The following ANO3 variants were observed in gnomAD, a reference collection of about 807,000 sequenced individuals.
ANO3 encodes anoctamin 3.
ANO3 carries 99 observed loss-of-function variants against 144.8 expected under a neutral mutation model. The observed-to-expected ratio is 0.68, with a 90% confidence interval of 0.58 to 0.81. The LOEUF (loss-of-function observed/expected upper bound fraction) is 0.81, where lower values mean the gene tolerates loss of function less well. ANO3 is among the 30% of genes least tolerant of loss of function. The pLI is 0.00. For missense variants in ANO3, 905 were observed against 1,202.2 expected (o/e 0.75, Z 3.66); for synonymous variants, 414 against 392.6 (o/e 1.05, Z -0.64).
intron 3 of ANO3, among the ~76,000 whole-genome samples, chr11:26,459,480 T>G (rs1338922502): frequency 6.6e-6 from 1 of 151,944 alleles, no homozygotes; most frequent in Non-Finnish European, 1.5e-5. Flanking sequence ...GGCATTTAAA[T>G]CCAGTTAGTC....
rs573084384 is a variant in ANO3, at chr11:26,297,595, TAA to T, written c.155-12047_155-12046del. ...AATTCATTTTGTTCTCCCTTCAAAATAAAAGACTGGTCATTTTCCCCAAAATG... is the reference window on the plus strand; with the variant it reads ...AATTCATTTTGTTCTCCCTTCAAAATAAGACTGGTCATTTTCCCCAAAATG... On this transcript the variant is annotated intron_variant, in intron 1 of 27. Coordinates refer to the ANO3 transcript ENST00000672621. Among the ~76,000 whole-genome samples the T allele has an allele frequency of 4.0e-3, 604 of 152,288 alleles. 2 individuals carry two copies. Among genetic ancestry groups the T allele is most frequent in the African/African-American group, 0.013 (560 of 41,554 alleles).
rs1208603884 is a variant in ANO3, at chr11:26,660,461, A to G, written c.*17A>G. 6.9e-6 allele frequency: 11 copies of G among 1,585,040 alleles called. No homozygotes were observed. The Admixed American group carries it at 2.0e-4, about 29-fold the overall frequency. On this transcript the variant is annotated 3_prime_UTR_variant, in exon 27 of 27. Transcript: ENST00000256737. ...TGGCCTTAGTTGACACCTGTTACCC[A>G]TTAGGGGTGATAACATTAATGGGAA... is the stretch of plus-strand genomic sequence containing the variant.
chr11:26,561,237 A>G (rs1455631175), intron 14 of ANO3: 14 of 1,590,898 alleles, frequency 8.8e-6, no homozygotes, highest in South Asian at 1.1e-5. Flanking sequence ...TAAAAAAGTA[A>G]CAAAATAATA....
At chr11:26,203,968 C>A (rs1049388422) in intron 1 of ANO3, among the ~76,000 whole-genome samples, 3 of 152,114 alleles carry the variant, frequency 2.0e-5, no homozygotes, top group Non-Finnish European at 4.4e-5. Context: ...ACAGTTTTTA[C>A]AACATGTGGA....
chr11:26,364,753 A>T (rs1028754853), intron 1 of ANO3, among the ~76,000 whole-genome samples: 8 of 152,218 alleles, frequency 5.3e-5, no homozygotes, highest in African/African-American at 1.9e-4. Flanking sequence ...CCCGTGATCA[A>T]ATCATCTCCT....
intron 13 of ANO3, chr11:26,558,995 A>G (rs949358111): frequency 2.6e-5 from 4 of 152,178 alleles, no homozygotes; most frequent in African/African-American, 9.6e-5. Flanking sequence ...AGTTACATAT[A>G]TACTGAGGGC....
At chr11:26,192,671 G>A (rs1851500903) in intron 1 of ANO3, among the ~76,000 whole-genome samples, 1 of 152,160 alleles carries the variant, frequency 6.6e-6, no homozygotes, top group Non-Finnish European at 1.5e-5. Flanking sequence ...GCTCAAAGAA[G>A]TAATGTAATT....
chr11:26,347,160 A>G (rs1443886818), intron 1 of ANO3, among the ~76,000 whole-genome samples: 2 of 152,224 alleles, frequency 1.3e-5, no homozygotes, highest in African/African-American at 4.8e-5. Context: ...TGCTTCAAAC[A>G]TTATCTAAAA....
At chr11:26,256,370 T>C (rs762845064) in intron 1 of ANO3, among the ~76,000 whole-genome samples, 2 of 152,192 alleles carry the variant, frequency 1.3e-5, no homozygotes, top group African/African-American at 2.4e-5. Context: ...TTGCATATTT[T>C]CCTCCTCTGG....
At chr11:26,220,185 C>A (rs1201298508) in intron 1 of ANO3, among the ~76,000 whole-genome samples, 1 of 152,184 alleles carries the variant, frequency 6.6e-6, no homozygotes, top group Admixed American at 6.5e-5. Flanking sequence ...TTCCCCAAAT[C>A]TGGAGGTAAA....
At chr11:26,231,950 A>T (rs1414930062) in intron 1 of ANO3, among the ~76,000 whole-genome samples, 1 of 152,238 alleles carries the variant, frequency 6.6e-6, no homozygotes, top group Non-Finnish European at 1.5e-5. Flanking sequence ...AAAACACCTG[A>T]CATGGAAACT....
At chr11:26,408,454 T>G (rs1281667779) in intron 1 of ANO3, among the ~76,000 whole-genome samples, 1 of 151,488 alleles carries the variant, frequency 6.6e-6, no homozygotes, top group Non-Finnish European at 1.5e-5. Context: ...AGAATGGCAA[T>G]CATTAAAAAG....
At chr11:26,220,280 C>A (rs139414891) in intron 1 of ANO3, among the ~76,000 whole-genome samples, 65 of 152,322 alleles carry the variant, frequency 4.3e-4, no homozygotes, top group African/African-American at 1.5e-3. Context: ...AGACATGGCA[C>A]TAGACCCATG....
In ANO3 at chr11:26,639,069, C is replaced by T. The variant is rs1380474851; in HGVS notation, c.2044-75C>T. On this transcript the variant is annotated intron_variant, in intron 20 of 26. Transcript: ENST00000256737. ...TGACCCAGCTTTAAAATTTGCTGTA[C>T]AATTTAATGGTGGGCATGTCTGAGC... The T allele has an allele frequency of 3.0e-5, 30 of 996,860 alleles. No individual in the cohort carries two copies. In the Admixed American group the frequency reaches 5.3e-4, roughly 18 times the overall value. 61.8% of individuals were successfully genotyped at this position (996,860 alleles called of 1,614,324 possible).
intron 4 of ANO3, among the ~76,000 whole-genome samples, chr11:26,504,246 GGA>G (rs1232113468): frequency 3.7e-5 from 5 of 136,272 alleles, no homozygotes; most frequent in Non-Finnish European, 7.8e-5. Flanking sequence ...ATGTCAGAAG[GGA>G]GAGAATGACA....
At chr11:26,316,128 A>T (rs1854619980) in intron 1 of ANO3, among the ~76,000 whole-genome samples, 1 of 152,188 alleles carries the variant, frequency 6.6e-6, no homozygotes, top group South Asian at 2.1e-4. Context: ...TTATTGCGGG[A>T]TCTGGCCAGC....
At chr11:26,401,175 T>C (rs1857137879) in intron 1 of ANO3, among the ~76,000 whole-genome samples, 1 of 152,052 alleles carries the variant, frequency 6.6e-6, no homozygotes, top group South Asian at 2.1e-4. Context: ...CATACCCCCA[T>C]GGACAGGAAT....
At chr11:26,274,074 T>C (rs1021846832) in intron 1 of ANO3, among the ~76,000 whole-genome samples, 1 of 152,124 alleles carries the variant, frequency 6.6e-6, no homozygotes, top group Non-Finnish European at 1.5e-5. Flanking sequence ...GATGCTTCAA[T>C]TGAAAAGAGG....
At chr11:26,475,922 G>C (rs948113724) in intron 4 of ANO3, among the ~76,000 whole-genome samples, 1 of 151,962 alleles carries the variant, frequency 6.6e-6, no homozygotes, top group Admixed American at 6.6e-5. Flanking sequence ...CACAGCTACT[G>C]AATGTCAGGA....
Sources: gnomAD v4.1 joint callset for allele counts (sites outside exome capture counted in the v4.1 genomes callset) on GRCh38, gnomAD v4.1.1 for gene constraint, MANE v1.5 for transcripts, NCBI Gene and HGNC (gene_info 2026-07-23, HGNC 2026-07-21) for gene names.